UBA6: variants seen among roughly 807,000 people sequenced by gnomAD.
The protein encoded by UBA6 is ubiquitin-like modifier-activating enzyme 6.
In UBA6, 87 loss-of-function variants were observed where a neutral mutation model predicts 148.3. The observed-to-expected ratio is 0.59, with a 90% CI of 0.49 to 0.70. The LOEUF (loss-of-function observed/expected upper bound fraction) is 0.70, where lower values mean the gene tolerates loss of function less well. Ranked by LOEUF, UBA6 falls within the 30% of genes least tolerant of loss-of-function variation. The pLI, the probability that UBA6 is intolerant of heterozygous loss-of-function variation, is 0.00. For missense variants in UBA6, 1,186 were observed against 1,241.2 expected, an observed-to-expected ratio of 0.96 and a Z score of 0.67; for synonymous variants, 376 against 401.0, an observed-to-expected ratio of 0.94 and a Z score of 0.75.
At chr4:67,621,286 A>T (rs1009437787) in intron 32 of UBA6, among the ~76,000 whole-genome samples, 2 of 152,264 alleles carry the variant, frequency 1.3e-5, no homozygotes, top group African/African-American at 4.8e-5. Flanking sequence ...CTAGATCATA[A>T]TTTAAGAATG....
intron 13 of UBA6, among the ~76,000 whole-genome samples, chr4:67,653,304 T>C (rs1211461391): frequency 6.6e-6 from 1 of 152,102 alleles, no homozygotes. Flanking sequence ...TACAGGTGGG[T>C]GCCCCTCTGG....
Position 67,654,054 on chromosome 4 carries a change from C to T in UBA6, c.1105-4843G>A, listed in dbSNP as rs1309303472. Among the ~76,000 whole-genome samples, 6 of 152,096 alleles carry T rather than the reference C, an allele frequency of 3.9e-5. No individual in the cohort carries two copies. In the South Asian group the frequency reaches 6.2e-4, roughly 16 times the overall value. ...GGACTATGTGAAAAGACCAAATCTG[C>T]GTTTGACTGGTGTAACTAAAAGTGA... is the stretch of plus-strand genomic sequence containing the variant. On this transcript the variant is annotated intron_variant, in intron 13 of 32. Transcript: ENST00000322244.
At position 67,649,193 on chromosome 4, in the gene UBA6, T is replaced by C; in HGVS notation, c.1123A>G (p.Ile375Val). 6.2e-7 allele frequency: 1 copy of C among 1,611,406 alleles called. No homozygotes were observed. The highest frequency in any genetic ancestry group is 8.5e-7 in the Non-Finnish European group (1 of 1,178,888). The change falls in exon 14 of 33, where the codon ATT becomes GTT. Residue 375 changes from isoleucine (I) to valine (V), a missense_variant. Physicochemically the swap from Ile to Val is conservative, Grantham distance 29. Transcript: ENST00000322244. Reference protein sequence around the residue: ...LEEKPDVNADIVHWLSWTAQG... With the variant: ...LEEKPDVNADVVHWLSWTAQG... ...GCAGTCCAAGAGAGCCAATGCACAATGTCAGCATTTACATCAGGCTAAAAC... is the reference window on the plus strand; with the variant it reads ...GCAGTCCAAGAGAGCCAATGCACAACGTCAGCATTTACATCAGGCTAAAAC...
Position 67,678,553 on chromosome 4 carries a change from ATTGG to A in UBA6, c.259-24_259-21del. ...AACTGCCTTCAAAAAAGAAAAAAGTATTGGTTGAAGTCAGGAGTTCAAGGATATG... is the reference window on the plus strand; with the variant it reads ...AACTGCCTTCAAAAAAGAAAAAAGTATTGAAGTCAGGAGTTCAAGGATATG... On this transcript the variant is annotated intron_variant, in intron 4 of 32. Transcript: ENST00000322244. 6.7e-7 allele frequency: 1 copy of A among 1,503,664 alleles called. No homozygotes were observed. The highest frequency in any genetic ancestry group is 9.2e-7 in the Non-Finnish European group (1 of 1,091,364). 93.1% of individuals were successfully genotyped at this position (1,503,664 alleles called of 1,614,324 possible).
chr4:67,624,964 G>A (rs774194604), intron 29 of UBA6, 30 bp downstream of exon 29: 41 of 1,551,762 alleles, frequency 2.6e-5, no homozygotes, highest in Non-Finnish European at 3.5e-5. Flanking sequence ...TGAAAAAGGA[G>A]CATTTTTATT....
At chr4:67,646,833 C>T in intron 14 of UBA6, 42 bp from the exon 15 acceptor site, 1 of 1,306,712 alleles carries the variant, frequency 7.7e-7, no homozygotes, top group South Asian at 1.6e-5. Flanking sequence ...ATGTATAAAA[C>T]AAATTACTAT....
chr4:67,629,525 C>T lies in UBA6; in HGVS notation c.2329-383G>A, dbSNP rs552733597. On this transcript the variant is annotated intron_variant, in intron 26 of 32. Coordinates refer to ENST00000322244, the MANE Select transcript of UBA6 (RefSeq NM_018227.6). ...ACAAAGTTCCCTGAAGTAAGTTATACTCAATAAGTAAAATAAGTAAATGGA... is the reference window on the plus strand; with the variant it reads ...ACAAAGTTCCCTGAAGTAAGTTATATTCAATAAGTAAAATAAGTAAATGGA... Among the ~76,000 whole-genome samples, 4 of 151,910 alleles carry T rather than the reference C, an allele frequency of 2.6e-5. No homozygotes were observed. The East Asian group carries it at 5.8e-4, about 22-fold the overall frequency.
At chr4:67,646,134 C>A in intron 15 of UBA6, 118 bp from the exon 16 acceptor site, 1 of 497,010 alleles carries the variant, frequency 2.0e-6, no homozygotes, top group South Asian at 5.7e-5. Context: ...AAAGTTTCCC[C>A]TAACCAATCT....
intron 13 of UBA6, among the ~76,000 whole-genome samples, chr4:67,658,992 A>G (rs1729774197): frequency 6.6e-6 from 1 of 152,198 alleles, no homozygotes; most frequent in South Asian, 2.1e-4. Context: ...AAAATTTTTT[A>G]TAACTACACA....
chr4:67,674,885 G>A lies in UBA6; in HGVS notation c.466-1108C>T, dbSNP rs372374935. 3.0e-4 allele frequency among the ~76,000 whole-genome samples: 46 copies of A among 150,966 alleles called. 1 individual carries two copies. The South Asian group carries it at 9.6e-3, about 32-fold the overall frequency. On this transcript the variant is annotated intron_variant, in intron 6 of 32. Coordinates refer to ENST00000322244, the MANE Select transcript of UBA6 (RefSeq NM_018227.6). Reference sequence around the variant, plus strand: ...TTTCTGTTTTGGGTTTTTTTTTTGAGACACAGTCTCACTCTGTTGCCCAGG... The same window carrying A: ...TTTCTGTTTTGGGTTTTTTTTTTGAAACACAGTCTCACTCTGTTGCCCAGG...
At chr4:67,669,190 G>T (rs1186508168) in intron 8 of UBA6, among the ~76,000 whole-genome samples, 2 of 152,114 alleles carry the variant, frequency 1.3e-5, no homozygotes, top group African/African-American at 4.8e-5. Context: ...TAACACCAAT[G>T]CAATAAGAAT....
At chr4:67,649,437 T>C (rs354872) in intron 13 of UBA6, among the ~76,000 whole-genome samples, 137,343 of 152,188 alleles carry the variant, frequency 0.9, 62,152 homozygotes, top group East Asian at 0.99. Context: ...TGTCTTTGGA[T>C]TCTATATGTC....
At chr4:67,637,446 T>C (rs1056962939) in intron 19 of UBA6, among the ~76,000 whole-genome samples, 1 of 152,110 alleles carries the variant, frequency 6.6e-6, no homozygotes, top group Non-Finnish European at 1.5e-5. Context: ...ACCCAACAGC[T>C]CATTGAGAAC....
At chr4:67,646,308 G>A (rs1202573621) in intron 15 of UBA6, among the ~76,000 whole-genome samples, 1 of 152,098 alleles carries the variant, frequency 6.6e-6, no homozygotes, top group African/African-American at 2.4e-5. Flanking sequence ...AGGAATCTAC[G>A]GATGGGCTTT....
intron 32 of UBA6, among the ~76,000 whole-genome samples, chr4:67,619,669 C>A (rs920335418): frequency 6.6e-6 from 1 of 152,148 alleles, no homozygotes; most frequent in Non-Finnish European, 1.5e-5. Context: ...AGTTTGGAGG[C>A]ATCATAAATT....
intron 1 of UBA6, among the ~76,000 whole-genome samples, chr4:67,699,902 G>A (rs113297275): frequency 0.029 from 4,458 of 152,158 alleles, 101 homozygotes; most frequent in Middle Eastern, 0.075. Flanking sequence ...CACTGCGCCC[G>A]GCCAAAGTTT....
rs1040604852 is a variant in UBA6, at chr4:67,613,772, C to T, written c.*5225G>A. ...TCATGCTCTACAAACCATAAATTCT[C>T]ATCAGATGGGTTTTATTTAACCCTG... On this transcript the variant is annotated 3_prime_UTR_variant, in exon 33 of 33. Transcript: ENST00000322244. The T allele has an allele frequency of 8.5e-5, 13 of 152,196 alleles. No homozygotes were observed. Among genetic ancestry groups the T allele is most frequent in the Non-Finnish European group, 1.9e-4 (13 of 68,040 alleles). The allele number at this position is 152,196 out of a possible 1,614,324, so 9.4% of individuals were successfully genotyped here.
intron 13 of UBA6, among the ~76,000 whole-genome samples, chr4:67,658,406 T>C (rs1729755740): frequency 6.6e-6 from 1 of 152,168 alleles, no homozygotes; most frequent in South Asian, 2.1e-4. Context: ...ATATCTTCCA[T>C]CAAGTGATGT....
At chr4:67,631,967 A>T (rs1729009854) in intron 23 of UBA6, 59 bp from the exon 24 acceptor site, 14 of 1,476,432 alleles carry the variant, frequency 9.5e-6, no homozygotes, top group Non-Finnish European at 1.3e-5. Flanking sequence ...AGGAAAAATT[A>T]AAAAATAAAA....
Sources: gnomAD v4.1 joint callset for allele counts (sites outside exome capture counted in the v4.1 genomes callset) on GRCh38, gnomAD v4.1.1 for gene constraint, MANE v1.5 for transcripts, NCBI Gene and HGNC (gene_info 2026-07-23, HGNC 2026-07-21) for gene names.